SLC39A11: variants seen among roughly 807,000 people sequenced by gnomAD.
SLC39A11 encodes zinc transporter ZIP11.
In SLC39A11, 33 loss-of-function variants were observed where a neutral mutation model predicts 36.1. The observed-to-expected ratio is 0.91, with a 90% confidence interval of 0.69 to 1.22. The LOEUF (loss-of-function observed/expected upper bound fraction) is 1.22. Among genes scored for constraint, SLC39A11 ranks in the 50% most tolerant of loss-of-function variants. The probability of loss-of-function intolerance (pLI) is 0.00; values close to 1 mark genes in which losing one functional copy is unlikely to be tolerated. For synonymous variants in SLC39A11, 166 were observed against 170.3 expected, an observed-to-expected ratio of 0.97 and a Z score of 0.20; for missense variants, 432 against 430.3, an observed-to-expected ratio of 1.00 and a Z score of -0.03.
At chr17:72,657,941 G>A (rs1238926721) in intron 7 of SLC39A11, among the ~76,000 whole-genome samples, 4 of 152,188 alleles carry the variant, frequency 2.6e-5, no homozygotes, top group Admixed American at 6.5e-5. Flanking sequence ...ATGCTGGGTG[G>A]GTCCTTGCGG....
intron 5 of SLC39A11, among the ~76,000 whole-genome samples, chr17:72,872,709 T>C (rs2080698618): frequency 6.6e-6 from 1 of 152,044 alleles, no homozygotes; most frequent in Admixed American, 6.6e-5. Context: ...ACCCCCTCCG[T>C]TGTGGGGACT....
chr17:72,918,445 G>A (rs1055634392), intron 5 of SLC39A11, among the ~76,000 whole-genome samples: 1 of 152,088 alleles, frequency 6.6e-6, no homozygotes, highest in Admixed American at 6.6e-5. Context: ...TGAACTGGAT[G>A]ATGATTTCCA....
At chr17:72,684,089 CCTT>C (rs1431260133) in intron 7 of SLC39A11, among the ~76,000 whole-genome samples, 1 of 152,152 alleles carries the variant, frequency 6.6e-6, no homozygotes, top group Admixed American at 6.5e-5. Context: ...TTTCTGCTCT[CCTT>C]CTGGCCCCTG....
At chr17:72,939,098 G>T (rs1598491919) in intron 5 of SLC39A11, among the ~76,000 whole-genome samples, 1 of 152,134 alleles carries the variant, frequency 6.6e-6, no homozygotes, top group East Asian at 1.9e-4. Context: ...CAGAGTATGG[G>T]GTTGGTCAAT....
intron 5 of SLC39A11, among the ~76,000 whole-genome samples, chr17:72,902,988 C>T (rs570812183): frequency 1.3e-5 from 2 of 152,210 alleles, no homozygotes; most frequent in African/African-American, 4.8e-5. Context: ...TGAAATAGGC[C>T]GGGCTCGGCG....
At chr17:72,777,265 G>A (rs911205761) in intron 6 of SLC39A11, among the ~76,000 whole-genome samples, 6 of 152,194 alleles carry the variant, frequency 3.9e-5, no homozygotes, top group Non-Finnish European at 8.8e-5. Flanking sequence ...GGTCAAAGGG[G>A]ACTGGGGCAG....
At chr17:72,681,227 T>C (rs1397700525) in intron 7 of SLC39A11, among the ~76,000 whole-genome samples, 1 of 152,196 alleles carries the variant, frequency 6.6e-6, no homozygotes, top group Non-Finnish European at 1.5e-5. Flanking sequence ...GCACCCGGTC[T>C]ACATGTTTTT....
chr17:72,897,437 A>G (rs947182319), intron 5 of SLC39A11, among the ~76,000 whole-genome samples: 1 of 152,240 alleles, frequency 6.6e-6, no homozygotes, highest in East Asian at 1.9e-4. Flanking sequence ...TGGTACAAAC[A>G]GAACTTTTCT....
chr17:72,892,049 A>C lies in SLC39A11; in HGVS notation c.431-42245T>G, dbSNP rs1484413961. On this transcript the variant is annotated intron_variant, in intron 5 of 9. Coordinates refer to ENST00000255559, the MANE Select transcript of SLC39A11 (RefSeq NM_139177.4). ...GAGATAAGACTATTTTTTTTCCCCA[A>C]GGATTGCACAGGATGAAATGAACTT... Among the ~76,000 whole-genome samples, 7 of 151,996 alleles carry C rather than the reference A, an allele frequency of 4.6e-5. No homozygotes were observed. The East Asian group carries it at 1.2e-3, about 25-fold the overall frequency.
At chr17:72,731,755 C>T (rs2074228296) in intron 7 of SLC39A11, among the ~76,000 whole-genome samples, 1 of 151,852 alleles carries the variant, frequency 6.6e-6, no homozygotes, top group Admixed American at 6.6e-5. Flanking sequence ...GAAATGGAGA[C>T]TTGCTCTGTT....
At chr17:72,916,374 C>T (rs1040902389) in intron 5 of SLC39A11, among the ~76,000 whole-genome samples, 5 of 149,382 alleles carry the variant, frequency 3.3e-5, no homozygotes, top group South Asian at 2.1e-4. Context: ...GGCTCTTACA[C>T]GGTTCCTCCA....
intron 5 of SLC39A11, among the ~76,000 whole-genome samples, chr17:72,896,348 C>T (rs149550858): frequency 0.013 from 1,938 of 151,802 alleles, 52 homozygotes; most frequent in African/African-American, 0.041. Flanking sequence ...ATTACAGATG[C>T]CTGCCACCAC....
At chr17:72,992,668 T>G (rs2089252515) in intron 4 of SLC39A11, among the ~76,000 whole-genome samples, 2 of 152,234 alleles carry the variant, frequency 1.3e-5, no homozygotes, top group Admixed American at 6.5e-5. Context: ...TTCTTAATGT[T>G]ATAAATTGCT....
chr17:73,030,099 C>T (rs2058691887), intron 4 of SLC39A11, among the ~76,000 whole-genome samples: 1 of 152,210 alleles, frequency 6.6e-6, no homozygotes, highest in Non-Finnish European at 1.5e-5. Context: ...ACATGCGCAG[C>T]TCGCAGCAGG....
intron 5 of SLC39A11, among the ~76,000 whole-genome samples, chr17:72,936,590 A>G (rs1683705664): frequency 6.6e-6 from 1 of 152,140 alleles, no homozygotes; most frequent in Admixed American, 6.5e-5. Context: ...AAGACCTGAG[A>G]AAAACCAAAC....
At chr17:72,757,274 A>G (rs1255273571) in intron 6 of SLC39A11, among the ~76,000 whole-genome samples, 1 of 152,204 alleles carries the variant, frequency 6.6e-6, no homozygotes, top group African/African-American at 2.4e-5. Context: ...AAGAACAGGT[A>G]AGACCCGATT....
chr17:72,657,613 C>A (rs1013656003), intron 7 of SLC39A11, among the ~76,000 whole-genome samples: 1 of 152,162 alleles, frequency 6.6e-6, no homozygotes, highest in Admixed American at 6.5e-5. Context: ...TTCCGGTTCA[C>A]CAGGGACTGA....
chr17:72,784,988 T>G (rs1398779599), intron 6 of SLC39A11, among the ~76,000 whole-genome samples: 2 of 151,996 alleles, frequency 1.3e-5, no homozygotes, highest in Non-Finnish European at 2.9e-5. Context: ...GTCTCCCAAG[T>G]AGCTGGGATT....
In SLC39A11 at chr17:72,735,665, T is replaced by A. The variant is rs1042571984; in HGVS notation, c.671+985A>T. Among the ~76,000 whole-genome samples, 3 of 152,196 alleles carry A rather than the reference T, an allele frequency of 2.0e-5. No homozygotes were observed. In the South Asian group the frequency reaches 6.2e-4, roughly 32 times the overall value. On this transcript the variant is annotated intron_variant, in intron 7 of 9. Transcript: ENST00000255559. The stretch of plus-strand genomic sequence containing the variant: ...GTTCCCAGCTGTCTTCACCTGACTG[T>A]CTCCACCCATTTTGATGATCTTTTA...
Sources: allele counts gnomAD v4.1 joint callset (sites outside exome capture counted in the v4.1 genomes callset), GRCh38; gene constraint gnomAD v4.1.1; transcripts MANE v1.5; gene names NCBI Gene and HGNC (gene_info 2026-07-23, HGNC 2026-07-21).